The following PARM1 variants were observed in gnomAD, a reference collection of about 807,000 sequenced individuals.
The protein encoded by PARM1 is WSC4, cell wall integrity and stress response component 4 homolog.
In PARM1, 14 loss-of-function variants were observed where a neutral mutation model predicts 24.6. That is an observed-to-expected ratio of 0.57 (90% confidence interval 0.38 to 0.89). PARM1 has a LOEUF of 0.89. PARM1 is among the 40% of genes least tolerant of loss of function. The probability of loss-of-function intolerance (pLI) is 0.00; values close to 1 mark genes in which losing one functional copy is unlikely to be tolerated. For synonymous variants in PARM1, 179 were observed against 156.6 expected, an observed-to-expected ratio of 1.14 and a Z score of -1.07; for missense variants, 362 against 380.4, an observed-to-expected ratio of 0.95 and a Z score of 0.40.
intron 2 of PARM1, among the ~76,000 whole-genome samples, chr4:75,029,025 G>A (rs918491507): frequency 1.3e-5 from 2 of 152,178 alleles, no homozygotes; most frequent in Non-Finnish European, 2.9e-5. Flanking sequence ...CAAGTGAGAG[G>A]CAGGAGGCTT....
At chr4:74,958,339 A>G (rs769991557) in intron 1 of PARM1, among the ~76,000 whole-genome samples, 1 of 152,226 alleles carries the variant, frequency 6.6e-6, no homozygotes, top group African/African-American at 2.4e-5. Context: ...GTGGGGGGCC[A>G]TACATGTGTA....
rs1721108728 is a variant in PARM1, at chr4:74,933,405, C to CG, written c.43+39dup. 4 of 1,597,632 alleles carry CG rather than the reference C, an allele frequency of 2.5e-6. No homozygotes were observed. In the African/African-American group the frequency reaches 4.0e-5, roughly 16 times the overall value. ...GCCATCCTCCCGGAAGGGCAGGTCG[C>CG]GGGGTGGGCCCCAGTAGCTAGCGCG... On this transcript the variant is annotated intron_variant, in intron 1 of 3. Transcript: ENST00000307428.
intron 1 of PARM1, among the ~76,000 whole-genome samples, chr4:74,991,743 G>A (rs530396796): frequency 7.4e-4 from 112 of 152,178 alleles, no homozygotes; most frequent in Non-Finnish European, 9.6e-4. Flanking sequence ...CATAAGTAGA[G>A]GGGCCAAATT....
chr4:75,022,012 C>G (rs918215335), intron 2 of PARM1, among the ~76,000 whole-genome samples: 3 of 152,182 alleles, frequency 2.0e-5, no homozygotes, highest in African/African-American at 4.8e-5. Context: ...AATTCTGTTT[C>G]AAGCTCTTTG....
At chr4:75,034,051 A>C in intron 3 of PARM1, 90 bp downstream of exon 3, 1 of 1,011,716 alleles carries the variant, frequency 9.9e-7, no homozygotes. Flanking sequence ...GTTCCTTAAT[A>C]GGTATCTTAG....
chr4:74,933,462 T>A, intron 1 of PARM1, 92 bp downstream of exon 1: 1 of 1,113,764 alleles, frequency 9.0e-7, no homozygotes, highest in Non-Finnish European at 1.4e-6. Flanking sequence ...GATCCGGCAG[T>A]GAGTCGCCGC....
chr4:74,972,676 C>T (rs1324315597), intron 1 of PARM1, among the ~76,000 whole-genome samples: 3 of 150,418 alleles, frequency 2.0e-5, no homozygotes, highest in Non-Finnish European at 4.4e-5. Context: ...CCGGTAAATA[C>T]ACAAAGTAGT....
At chr4:75,022,682 C>A (rs983903013) in intron 2 of PARM1, among the ~76,000 whole-genome samples, 5 of 152,152 alleles carry the variant, frequency 3.3e-5, no homozygotes, top group African/African-American at 1.2e-4. Flanking sequence ...ATAGATACAG[C>A]TGATACCATT....
At chr4:74,972,668 G>A (rs1204242330) in intron 1 of PARM1, among the ~76,000 whole-genome samples, 4 of 151,544 alleles carry the variant, frequency 2.6e-5, no homozygotes, top group Non-Finnish European at 2.9e-5. Context: ...AAATTCTTCC[G>A]GTAAATACAC....
intron 2 of PARM1, among the ~76,000 whole-genome samples, chr4:75,015,430 G>A (rs138648524): frequency 2.0e-5 from 3 of 152,196 alleles, no homozygotes; most frequent in East Asian, 1.9e-4. Flanking sequence ...AGGTGTGGCC[G>A]GTTAGAGGGA....
intron 1 of PARM1, among the ~76,000 whole-genome samples, chr4:75,010,806 G>C (rs1657980388): frequency 6.6e-6 from 1 of 152,148 alleles, no homozygotes; most frequent in African/African-American, 2.4e-5. Flanking sequence ...GGAAACCAGG[G>C]GGCTAGAAGA....
intron 1 of PARM1, among the ~76,000 whole-genome samples, chr4:74,994,799 TATAA>T (rs3062355): frequency 0.2 from 29,467 of 144,982 alleles, 3,402 homozygotes; most frequent in East Asian, 0.32. Context: ...TCTCAAAAAA[TATAA>T]ATAAATAAAT....
chr4:74,948,520 GA>G (rs1721449390), intron 1 of PARM1, among the ~76,000 whole-genome samples: 3 of 152,208 alleles, frequency 2.0e-5, no homozygotes, highest in African/African-American at 7.2e-5. Flanking sequence ...GGCACCAGGT[GA>G]GTGGCCTATA....
chr4:75,044,447 C>T (rs1461029431), intron 3 of PARM1, among the ~76,000 whole-genome samples: 1 of 152,170 alleles, frequency 6.6e-6, no homozygotes, highest in East Asian at 1.9e-4. Flanking sequence ...TTTCCAATCA[C>T]TGTTTCTTTC....
chr4:74,979,570 C>CA (rs1176129946), intron 1 of PARM1, among the ~76,000 whole-genome samples: 1 of 152,034 alleles, frequency 6.6e-6, no homozygotes, highest in Non-Finnish European at 1.5e-5. Flanking sequence ...GAAACTATAC[C>CA]AAAAAATTGA....
chr4:74,973,780 C>A (rs964446890), intron 1 of PARM1, among the ~76,000 whole-genome samples: 2 of 152,074 alleles, frequency 1.3e-5, no homozygotes, highest in African/African-American at 4.8e-5. Context: ...CAGGCCACCA[C>A]CCTCAGATTT....
chr4:74,943,109 A>G (rs557624335), intron 1 of PARM1, among the ~76,000 whole-genome samples: 3 of 152,246 alleles, frequency 2.0e-5, no homozygotes, highest in Admixed American at 6.5e-5. Context: ...CACCTTCTCA[A>G]TGAGACTTAC....
intron 1 of PARM1, among the ~76,000 whole-genome samples, chr4:74,988,537 G>A (rs1722403259): frequency 6.6e-6 from 1 of 152,208 alleles, no homozygotes; most frequent in African/African-American, 2.4e-5. Flanking sequence ...CACATCATTG[G>A]TGCTCAGTTC....
At chr4:74,960,454 C>G (rs562699317) in intron 1 of PARM1, among the ~76,000 whole-genome samples, 1 of 152,190 alleles carries the variant, frequency 6.6e-6, no homozygotes, top group East Asian at 1.9e-4. Flanking sequence ...CCGAGAAGAC[C>G]TTAAGTTTAC....
Sources: allele counts gnomAD v4.1 joint callset (sites outside exome capture counted in the v4.1 genomes callset), GRCh38; gene constraint gnomAD v4.1.1; transcripts MANE v1.5; gene names NCBI Gene and HGNC (gene_info 2026-07-23, HGNC 2026-07-21).